ANKRD17: variants seen among roughly 807,000 people sequenced by gnomAD.
The protein encoded by ANKRD17 is ankyrin repeat domain 17, also known as ankyrin repeat domain-containing protein 17.
In ANKRD17, 19 loss-of-function variants were observed where a neutral mutation model predicts 229.7. The ratio of observed to expected loss-of-function variants is 0.08; its 90% CI spans 0.06 to 0.12. The LOEUF (loss-of-function observed/expected upper bound fraction) is 0.12, where lower values mean the gene tolerates loss of function less well. Ranked by LOEUF, ANKRD17 falls within the 10% of genes least tolerant of loss-of-function variation. The pLI is 1.00. For synonymous variants in ANKRD17, 1,112 were observed against 1,146.1 expected, an observed-to-expected ratio of 0.97 and a Z score of 0.60; for missense variants, 2,176 against 3,176.8, an observed-to-expected ratio of 0.68 and a Z score of 7.57.
intron 1 of ANKRD17, among the ~76,000 whole-genome samples, chr4:73,180,041 CAA>C (rs997575707): frequency 7.2e-4 from 109 of 151,800 alleles, no homozygotes; most frequent in African/African-American, 2.5e-3. Context: ...AGCAAATAAA[CAA>C]ATGTATGAAA....
chr4:73,208,019 T>C (rs553230267), intron 1 of ANKRD17, among the ~76,000 whole-genome samples: 1 of 152,044 alleles, frequency 6.6e-6, no homozygotes, highest in Admixed American at 6.5e-5. Context: ...AAACCCCGTT[T>C]CCACTAAAAA....
intron 2 of ANKRD17, among the ~76,000 whole-genome samples, chr4:73,171,178 G>GGAAAGAGA (rs1733951372): frequency 9.6e-6 from 1 of 104,446 alleles, no homozygotes; most frequent in African/African-American, 4.0e-5. Flanking sequence ...CTCAGAGGGG[G>GGAAAGAGA]GAGAGAGAGA....
intron 22 of ANKRD17, among the ~76,000 whole-genome samples, chr4:73,117,607 T>C (rs954680391): frequency 6.6e-6 from 1 of 151,970 alleles, no homozygotes; most frequent in African/African-American, 2.4e-5. Context: ...AGGGAAGAGG[T>C]AGAATAAAGA....
At chr4:73,200,833 C>G (rs978911675) in intron 1 of ANKRD17, among the ~76,000 whole-genome samples, 1 of 151,982 alleles carries the variant, frequency 6.6e-6, no homozygotes, top group Non-Finnish European at 1.5e-5. Flanking sequence ...GATCCCTGTA[C>G]TCTTGTAATC....
At position 73,156,628 on chromosome 4, in the gene ANKRD17, G is replaced by GCT. The variant is rs372964163; in HGVS notation, c.705-464_705-463dup. Reference sequence around the variant, plus strand: ...AAAAGTGTGTAGCACTACCCACTTTGCTCTCTCTCTCTCTCCTACTGCGCC... The same window carrying GCT: ...AAAAGTGTGTAGCACTACCCACTTTGCTCTCTCTCTCTCTCTCCTACTGCGCC... On this transcript the variant is annotated intron_variant, in intron 3 of 33. Coordinates refer to ENST00000358602, the MANE Select transcript of ANKRD17 (RefSeq NM_032217.5). 1.5e-3 allele frequency among the ~76,000 whole-genome samples: 234 copies of GCT among 151,036 alleles called. 1 individual carries two copies. The highest frequency in any genetic ancestry group is 5.3e-3 in the African/African-American group (220 of 41,156).
chr4:73,186,862 A>C (rs1035490477), intron 1 of ANKRD17, among the ~76,000 whole-genome samples: 1 of 152,196 alleles, frequency 6.6e-6, no homozygotes, highest in Admixed American at 6.6e-5. Flanking sequence ...ATGCAATTCA[A>C]TTATGAATTT....
intron 23 of ANKRD17, 114 bp from the exon 24 acceptor site, chr4:73,114,022 A>G: frequency 3.0e-6 from 2 of 662,336 alleles, no homozygotes; most frequent in Non-Finnish European, 5.2e-6. Context: ...ATAAAGATCC[A>G]TGAAAGGGGG....
intron 11 of ANKRD17, 39 bp downstream of exon 11, chr4:73,144,706 T>C (rs377267759): frequency 9.9e-4 from 1,409 of 1,422,140 alleles, no homozygotes; most frequent in Non-Finnish European, 1.2e-3. Context: ...CAGGGGTAGA[T>C]ACCTTTCAAA....
At chr4:73,206,835 T>TC (rs1264161428) in intron 1 of ANKRD17, among the ~76,000 whole-genome samples, 1 of 152,076 alleles carries the variant, frequency 6.6e-6, no homozygotes, top group East Asian at 1.9e-4. Flanking sequence ...GATTTTTTTT[T>TC]CCCCCAAGAC....
intron 1 of ANKRD17, among the ~76,000 whole-genome samples, chr4:73,236,143 T>C (rs1051903510): frequency 6.6e-6 from 1 of 152,136 alleles, no homozygotes; most frequent in Non-Finnish European, 1.5e-5. Flanking sequence ...AACTCCTCAA[T>C]GGATAAAAAA....
At chr4:73,109,070 C>T (rs572778075) in intron 24 of ANKRD17, among the ~76,000 whole-genome samples, 155 of 152,238 alleles carry the variant, frequency 1.0e-3, no homozygotes, top group African/African-American at 3.5e-3. Flanking sequence ...GAGGCCAAGG[C>T]GGGCAGATTG....
intron 1 of ANKRD17, among the ~76,000 whole-genome samples, chr4:73,252,310 G>A (rs1745098759): frequency 6.6e-6 from 1 of 152,220 alleles, no homozygotes; most frequent in Non-Finnish European, 1.5e-5. Flanking sequence ...AGAAAAGAGA[G>A]TAGGCATAAG....
rs541483599 is a variant in ANKRD17 at position 73,185,832 on chromosome 4, GT to G, written c.394-8300del. Among the ~76,000 whole-genome samples, 83 of 151,948 alleles carry G rather than the reference GT, an allele frequency of 5.5e-4. 1 individual carries two copies. In the South Asian group the frequency reaches 0.016, roughly 29 times the overall value. Reference sequence around the variant, plus strand: ...GAAGGCAACAACAGTCTTAATTTTGGTTTTATCAATATGAAATACATTTTAC... The same window carrying G: ...GAAGGCAACAACAGTCTTAATTTTGGTTTATCAATATGAAATACATTTTAC... On this transcript the variant is annotated intron_variant, in intron 1 of 33. Transcript: ENST00000358602.
chr4:73,125,603 C>T (rs996004570), intron 16 of ANKRD17, among the ~76,000 whole-genome samples: 4 of 151,716 alleles, frequency 2.6e-5, no homozygotes, highest in African/African-American at 9.7e-5. Context: ...TGTGGTGGTG[C>T]GTGCCTGTAG....
chr4:73,211,771 C>T (rs1285998277), intron 1 of ANKRD17, among the ~76,000 whole-genome samples: 1 of 149,550 alleles, frequency 6.7e-6, no homozygotes, highest in Non-Finnish European at 1.5e-5. Context: ...CACTTGAACC[C>T]GGGAGGCAGA....
chr4:73,121,526 T>C lies in ANKRD17; in HGVS notation c.3635+91A>G. On this transcript the variant is annotated intron_variant, in intron 19 of 33. Coordinates refer to ENST00000358602, the MANE Select transcript of ANKRD17 (RefSeq NM_032217.5). The stretch of plus-strand genomic sequence containing the variant: ...ATGCCAAATTTGTAATAAAGGGATT[T>C]ACTAAATTTGGCACTAAAAAATAGG... 8.2e-6 allele frequency: 12 copies of C among 1,460,906 alleles called. 1 individual carries two copies. In the South Asian group the frequency reaches 1.3e-4, roughly 16 times the overall value. The allele number at this position is 1,460,906 out of a possible 1,614,324, so 90.5% of individuals were successfully genotyped here.
chr4:73,090,033 C>G (rs562077668), intron 29 of ANKRD17, among the ~76,000 whole-genome samples: 1 of 152,160 alleles, frequency 6.6e-6, no homozygotes, highest in East Asian at 1.9e-4. Context: ...TTTTTTAAAT[C>G]TGTTATTTTG....
intron 10 of ANKRD17, 40 bp from the exon 11 acceptor site, chr4:73,144,872 C>A: frequency 1.4e-6 from 2 of 1,383,504 alleles, no homozygotes; most frequent in Non-Finnish European, 9.9e-7. Flanking sequence ...ATTTAATTGC[C>A]AGTGAACAAG....
At chr4:73,172,847 A>G (rs1051717114) in intron 2 of ANKRD17, among the ~76,000 whole-genome samples, 14 of 152,256 alleles carry the variant, frequency 9.2e-5, no homozygotes, top group African/African-American at 3.4e-4. Flanking sequence ...AAATTAAAAC[A>G]TATCACCAGA....
Sources: gnomAD v4.1 joint callset for allele counts (sites outside exome capture counted in the v4.1 genomes callset) on GRCh38, gnomAD v4.1.1 for gene constraint, MANE v1.5 for transcripts, NCBI Gene and HGNC (gene_info 2026-07-23, HGNC 2026-07-21) for gene names.